Variants in ZNF562 observed in about 807,000 individuals in gnomAD.
ZNF562 encodes zinc finger protein 562.
In ZNF562, 13 loss-of-function variants were observed where a neutral mutation model predicts 17.5. The ratio of observed to expected loss-of-function variants is 0.74; its 90% CI spans 0.48 to 1.18. ZNF562 has a LOEUF of 1.18. ZNF562 is among the 50% of genes most tolerant of loss of function. ZNF562 has a pLI of 0.00. For missense variants in ZNF562, 481 were observed against 498.5 expected (o/e 0.96, Z 0.33); for synonymous variants, 163 against 165.4 (o/e 0.99, Z 0.11).
rs917659800 is a variant in ZNF562, at chr19:9,642,663, T to C, written c.*10286A>G. On this transcript the variant is annotated 3_prime_UTR_variant, in exon 6 of 6. Transcript: ENST00000453372. ...ATGGAATACGAACAGGAACAATCAA[T>C]CTGAACTTTGTATCAAATGGGTAAT... 3.3e-5 allele frequency: 5 copies of C among 151,844 alleles called. No homozygotes were observed. Among genetic ancestry groups the C allele is most frequent in the African/African-American group, 1.2e-4 (5 of 41,324 alleles). The allele number at this position is 151,844 out of a possible 1,614,324, so 9.4% of individuals were successfully genotyped here. A position where few individuals can be genotyped will look rare whatever the true frequency, so the allele number is the denominator to read the frequency against.
At chr19:9,656,466 G>A in intron 5 of ZNF562, 81 bp downstream of exon 5, 1 of 1,472,458 alleles carries the variant, frequency 6.8e-7, no homozygotes, top group Non-Finnish European at 9.4e-7. Context: ...CTGAGATGGT[G>A]CCACTGCACT....
chr19:9,658,224 C>T lies in ZNF562; in HGVS notation c.115-89G>A, dbSNP rs1599285019. The T allele has an allele frequency of 4.1e-6, 6 of 1,459,334 alleles. No homozygotes were observed. In the South Asian group the frequency reaches 6.0e-5, roughly 15 times the overall value. 90.4% of individuals were successfully genotyped at this position (1,459,334 alleles called of 1,614,324 possible). A position where few individuals can be genotyped will look rare whatever the true frequency, so the allele number is the denominator to read the frequency against. ...TGAGGAAAGGGGAACCTTATACTCA[C>T]TTATACGTGGTTCTCAAGTCTCCCA... is the stretch of plus-strand genomic sequence containing the variant. On this transcript the variant is annotated intron_variant, in intron 3 of 5. Transcript: ENST00000453372.
At position 9,653,495 on chromosome 19, in the gene ZNF562, T is replaced by A; in HGVS notation, c.735A>T (p.Ser245=). ...QECERAITTS[S]HLKQCVAVHT... is the part of the protein sequence containing the mutation. The stretch of plus-strand genomic sequence containing the variant: ...GAACTGCTACACACTGCTTTAAGTG[T>A]GAGGAAGTTGTGATGGCTCTCTCAC... The change falls in exon 6 of 6, where the codon TCA becomes TCT. Residue 245 remains serine (S), a synonymous_variant. Coordinates refer to ENST00000453372, the MANE Select transcript of ZNF562 (RefSeq NM_001130031.2). 2.5e-6 allele frequency: 4 copies of A among 1,614,186 alleles called. No individual in the cohort carries two copies. Among genetic ancestry groups the A allele is most frequent in the Non-Finnish European group, 2.5e-6 (3 of 1,180,022 alleles).
intron 1 of ZNF562, among the ~76,000 whole-genome samples, chr19:9,674,453 T>C (rs991566966): frequency 1.3e-4 from 19 of 151,718 alleles, no homozygotes; most frequent in Admixed American, 1.2e-3. Context: ...AGGTGAAAGT[T>C]GCAGTGAGCC....
At chr19:9,654,270 C>T (rs968094970) in intron 5 of ZNF562, among the ~76,000 whole-genome samples, 2 of 151,930 alleles carry the variant, frequency 1.3e-5, no homozygotes, top group Admixed American at 6.6e-5. Context: ...AGATTACAGG[C>T]GTGACCCACC....
At chr19:9,663,248 C>CAAAAAAAAAAAAAAAAAAAAA (rs59452070) in intron 1 of ZNF562, among the ~76,000 whole-genome samples, 1 of 129,916 alleles carries the variant, frequency 7.7e-6, no homozygotes. Context: ...ACTAAAAATA[C>CAAAAAAAAAAAAAAAAAAAAA]AAAAAAAAAA....
intron 1 of ZNF562, among the ~76,000 whole-genome samples, chr19:9,667,035 T>A (rs2043980570): frequency 7.4e-6 from 1 of 134,270 alleles, no homozygotes; most frequent in Non-Finnish European, 1.5e-5. Flanking sequence ...AGCATTATTC[T>A]CATATCAAAA....
At chr19:9,655,392 G>A (rs1048528265) in intron 5 of ZNF562, among the ~76,000 whole-genome samples, 10 of 152,166 alleles carry the variant, frequency 6.6e-5, no homozygotes, top group African/African-American at 2.4e-4. Flanking sequence ...TACAGGTATG[G>A]AACATCAGAA....
intron 4 of ZNF562, 118 bp downstream of exon 4, chr19:9,657,891 A>G (rs1190628758): frequency 9.1e-6 from 12 of 1,325,466 alleles, no homozygotes; most frequent in Non-Finnish European, 1.2e-5. Flanking sequence ...AGGTTTCACA[A>G]TGTTGCCCAT....
Position 9,647,079 on chromosome 19 carries a change from A to C in ZNF562, c.*5870T>G, listed in dbSNP as rs1298742137. 7.2e-6 allele frequency: 1 copy of C among 138,400 alleles called. No individual in the cohort carries two copies. The highest frequency in any genetic ancestry group is 1.5e-5 in the Non-Finnish European group (1 of 65,256). 8.6% of individuals were successfully genotyped at this position (138,400 alleles called of 1,614,324 possible). On this transcript the variant is annotated 3_prime_UTR_variant, in exon 6 of 6. Transcript: ENST00000453372. ...AGCCGTGAAGCACCGTGCCCAACCT[A>C]GTTGTCTTTTTTTTTTTTTTTGAGA...
At chr19:9,669,236 T>C (rs2044056532) in intron 1 of ZNF562, among the ~76,000 whole-genome samples, 1 of 151,908 alleles carries the variant, frequency 6.6e-6, no homozygotes, top group Admixed American at 6.6e-5. Context: ...AATCAGAATA[T>C]ATAAGGAACT....
intron 3 of ZNF562, 123 bp from the exon 4 acceptor site, chr19:9,658,258 T>G (rs2144987405): frequency 1.5e-6 from 2 of 1,375,318 alleles, no homozygotes; most frequent in East Asian, 2.6e-5. Flanking sequence ...CATGATCTAC[T>G]CCAGGGTTTA....
At chr19:9,668,215 A>T (rs572731815) in intron 1 of ZNF562, among the ~76,000 whole-genome samples, 2 of 152,026 alleles carry the variant, frequency 1.3e-5, no homozygotes, top group African/African-American at 4.8e-5. Flanking sequence ...GTCTCAATTA[A>T]AAAAAAGAAA....
intron 1 of ZNF562, among the ~76,000 whole-genome samples, chr19:9,665,985 G>C (rs7257882): frequency 4.0e-5 from 6 of 150,990 alleles, no homozygotes; most frequent in Middle Eastern, 3.4e-3. Flanking sequence ...CTCCAGGCTA[G>C]GTGACAGAGA....
intron 1 of ZNF562, among the ~76,000 whole-genome samples, chr19:9,661,443 C>T (rs911187463): frequency 2.6e-5 from 4 of 152,222 alleles, no homozygotes; most frequent in African/African-American, 7.2e-5. Flanking sequence ...CTCAGCCTCC[C>T]GAGTAGCTGG....
chr19:9,646,658 T>C lies in ZNF562; in HGVS notation c.*6291A>G, dbSNP rs561201206. ...AGAATGCAAAAGGAGACTGAAGTTA[T>C]ACAACCAGCAAAAATGAAAAATATA... On this transcript the variant is annotated 3_prime_UTR_variant, in exon 6 of 6. Transcript: ENST00000453372. 1 of 152,018 alleles carries C rather than the reference T, an allele frequency of 6.6e-6. No individual in the cohort carries two copies. The highest frequency in any genetic ancestry group is 2.1e-4 in the South Asian group (1 of 4,820). 9.4% of individuals were successfully genotyped at this position (152,018 alleles called of 1,614,324 possible). A position where few individuals can be genotyped will look rare whatever the true frequency, so the allele number is the denominator to read the frequency against.
chr19:9,660,747 T>A lies in ZNF562; in HGVS notation c.-3A>T. ...TGGGACATATCAAAGGCTGACATCC[T>A]CTGAAGCTGATGGTGAGATGTGCCT... On this transcript the variant is annotated 5_prime_UTR_variant, in exon 2 of 6. Transcript: ENST00000453372. The A allele has an allele frequency of 6.2e-7, 1 of 1,613,500 alleles. No individual in the cohort carries two copies.
intron 3 of ZNF562, among the ~76,000 whole-genome samples, chr19:9,659,123 A>C (rs930909009): frequency 2.0e-5 from 3 of 152,254 alleles, no homozygotes; most frequent in African/African-American, 7.2e-5. Context: ...CGCACCCAGC[A>C]ATGTAAGAAA....
chr19:9,656,569 T>G lies in ZNF562; in HGVS notation c.326A>C (p.Gln109Pro). The part of the protein sequence containing the change: ...SSLQQGFLKN[Q>P]IFTGIQMQTR... ...TACCATTTGTATCCCAGTGAATATT[T>G]GATTCTTCAAAAAACCCTGCTGAAG... Residue 109 changes from glutamine to proline, a missense_variant, in exon 5 of 6, where the codon CAA becomes CCA. Transcript: ENST00000453372. 6.2e-7 allele frequency: 1 copy of G among 1,613,854 alleles called. No homozygotes were observed. Among genetic ancestry groups the G allele is most frequent in the Non-Finnish European group, 8.5e-7 (1 of 1,179,918 alleles).
Sources: gnomAD v4.1 joint callset for allele counts (sites outside exome capture counted in the v4.1 genomes callset) on GRCh38, gnomAD v4.1.1 for gene constraint, MANE v1.5 for transcripts, NCBI Gene and HGNC (gene_info 2026-07-23, HGNC 2026-07-21) for gene names.